Variants in LMBR1 observed in about 807,000 individuals in gnomAD.
LMBR1 encodes limb region 1 protein homolog.
LMBR1 carries 52 observed loss-of-function variants against 73.9 expected under a neutral mutation model. The observed-to-expected ratio is 0.70, with a 90% CI of 0.56 to 0.89. LMBR1 has a LOEUF of 0.89. Among genes scored for constraint, LMBR1 ranks in the 40% least tolerant of loss-of-function variants. The pLI, the probability that LMBR1 is intolerant of heterozygous loss-of-function variation, is 0.00. For synonymous variants in LMBR1, 215 were observed against 209.4 expected (o/e 1.03, Z -0.23); for missense variants, 539 against 579.8 (o/e 0.93, Z 0.72).
intron 9 of LMBR1, among the ~76,000 whole-genome samples, chr7:156,747,746 A>G (rs1820106174): frequency 6.6e-6 from 1 of 152,212 alleles, no homozygotes; most frequent in Non-Finnish European, 1.5e-5. Flanking sequence ...TAAAAATTTG[A>G]TTATACTTAT....
chr7:156,852,183 T>C (rs1796326940), intron 1 of LMBR1, among the ~76,000 whole-genome samples: 1 of 152,104 alleles, frequency 6.6e-6, no homozygotes, highest in Non-Finnish European at 1.5e-5. Flanking sequence ...AATATAACAA[T>C]AAACACCAGA....
chr7:156,785,561 GA>G (rs1311589618), intron 5 of LMBR1, among the ~76,000 whole-genome samples: 1 of 152,028 alleles, frequency 6.6e-6, no homozygotes, highest in Non-Finnish European at 1.5e-5. Context: ...CGCTGCCTTG[GA>G]AAAAAATCTT....
At chr7:156,757,837 A>G (rs1004562242) in intron 8 of LMBR1, among the ~76,000 whole-genome samples, 11 of 152,216 alleles carry the variant, frequency 7.2e-5, no homozygotes, top group African/African-American at 2.4e-4. Flanking sequence ...CCAGCCTTTC[A>G]ACAAATCTTT....
downstream of LMBR1, among the ~76,000 whole-genome samples, chr7:156,675,181 G>A (rs1483860097): frequency 2.0e-5 from 3 of 152,236 alleles, no homozygotes; most frequent in Non-Finnish European, 4.4e-5. Context: ...ACGCCTGAGC[G>A]CTTTCTATGC....
intron 15 of LMBR1, among the ~76,000 whole-genome samples, chr7:156,705,339 G>C (rs1446149955): frequency 1.3e-5 from 2 of 152,154 alleles, no homozygotes; most frequent in East Asian, 3.9e-4. Flanking sequence ...GGGTGGATGG[G>C]TTGAGCCCAG....
chr7:156,777,424 G>T (rs1396516937), intron 5 of LMBR1, among the ~76,000 whole-genome samples: 2 of 152,052 alleles, frequency 1.3e-5, no homozygotes, highest in African/African-American at 4.8e-5. Flanking sequence ...TTCTATAAAA[G>T]AAAATACCTT....
chr7:156,711,086 A>G (rs1027005293), intron 15 of LMBR1, among the ~76,000 whole-genome samples: 9 of 152,342 alleles, frequency 5.9e-5, no homozygotes, highest in East Asian at 1.9e-4. Context: ...CAAGGTGGGC[A>G]GATCACAAGG....
At chr7:156,740,934 AACT>A (rs1198155402) in intron 9 of LMBR1, among the ~76,000 whole-genome samples, 10 of 152,226 alleles carry the variant, frequency 6.6e-5, no homozygotes, top group African/African-American at 2.4e-4. Context: ...CAAAAATAAT[AACT>A]ACAACAACTT....
intron 1 of LMBR1, among the ~76,000 whole-genome samples, chr7:156,886,664 C>G (rs1056680432): frequency 7.2e-5 from 11 of 152,114 alleles, no homozygotes; most frequent in Admixed American, 6.5e-5. Flanking sequence ...CTGCAGTTAT[C>G]TTAATATTGC....
intron 1 of LMBR1, 200 bp downstream of exon 1, chr7:156,892,728 G>A (rs1166147282): frequency 7.6e-6 from 3 of 395,136 alleles, no homozygotes; most frequent in Middle Eastern, 6.6e-4. Context: ...GCGAAGGGGA[G>A]GGGAGGGGAG....
intron 1 of LMBR1, among the ~76,000 whole-genome samples, chr7:156,840,950 G>A (rs1401353392): frequency 7.6e-6 from 1 of 132,334 alleles, no homozygotes; most frequent in Non-Finnish European, 1.6e-5. Context: ...GGGCGACTGA[G>A]CAAGACTCGG....
intron 5 of LMBR1, among the ~76,000 whole-genome samples, chr7:156,794,241 G>T (rs924023267): frequency 3.9e-5 from 6 of 152,042 alleles, no homozygotes; most frequent in Non-Finnish European, 7.4e-5. Flanking sequence ...CAACTAACAT[G>T]GTCAAAGATG....
intron 9 of LMBR1, chr7:156,736,567 A>G (rs1817909166): frequency 2.2e-6 from 1 of 456,870 alleles, no homozygotes; most frequent in African/African-American, 2.0e-5. Context: ...TTCTTCTGGC[A>G]CTTGTCTTCC....
At chr7:156,717,234 C>T (rs1337524882) in intron 15 of LMBR1, among the ~76,000 whole-genome samples, 3 of 152,198 alleles carry the variant, frequency 2.0e-5, no homozygotes, top group Admixed American at 1.3e-4. Context: ...ATTTACCATA[C>T]GTCTCAAGTT....
At position 156,726,461 on chromosome 7, in the gene LMBR1, T is replaced by TA. The variant is rs541693821; in HGVS notation, c.994-625dup. ...TCAAAAACTATCTTTACCTAGAACT[T>TA]AAAAAAAAAACACAAAAAAGTTACT... On this transcript the variant is annotated intron_variant, in intron 12 of 16. Coordinates refer to ENST00000353442, the MANE Select transcript of LMBR1 (RefSeq NM_022458.4). Among the ~76,000 whole-genome samples, 304 of 147,126 alleles carry TA rather than the reference T, an allele frequency of 2.1e-3. 1 individual carries two copies. Among genetic ancestry groups the TA allele is most frequent in the African/African-American group, 2.5e-3 (100 of 40,242 alleles).
intron 15 of LMBR1, among the ~76,000 whole-genome samples, chr7:156,717,380 A>G (rs991306805): frequency 6.6e-6 from 1 of 152,162 alleles, no homozygotes; most frequent in Non-Finnish European, 1.5e-5. Flanking sequence ...ACAGAGCTAG[A>G]TTTCTCTGTT....
At chr7:156,783,939 G>GTAAT (rs986058955) in intron 5 of LMBR1, among the ~76,000 whole-genome samples, 1 of 151,076 alleles carries the variant, frequency 6.6e-6, no homozygotes, top group African/African-American at 2.4e-5. Context: ...TAATACCTTC[G>GTAAT]TAATTATCAC....
chr7:156,819,130 T>G (rs187598291), intron 4 of LMBR1, among the ~76,000 whole-genome samples: 13 of 152,330 alleles, frequency 8.5e-5, no homozygotes, highest in Admixed American at 8.5e-4. Flanking sequence ...CAGAGATACA[T>G]CTTGCTTACA....
intron 4 of LMBR1, among the ~76,000 whole-genome samples, chr7:156,816,368 G>T (rs1414264037): frequency 6.6e-6 from 1 of 152,020 alleles, no homozygotes; most frequent in East Asian, 1.9e-4. Context: ...ATCACACCAG[G>T]CTAACGTTTG....
Sources: gnomAD v4.1 joint callset for allele counts (sites outside exome capture counted in the v4.1 genomes callset) on GRCh38, gnomAD v4.1.1 for gene constraint, MANE v1.5 for transcripts, NCBI Gene and HGNC (gene_info 2026-07-23, HGNC 2026-07-21) for gene names.